PTPN3: variants seen among roughly 807,000 people sequenced by gnomAD.
PTPN3 encodes protein tyrosine phosphatase non-receptor type 3.
Under a neutral mutation model 132.7 loss-of-function variants are expected in PTPN3, and 96 were observed. The ratio of observed to expected loss-of-function variants is 0.72; its 90% CI spans 0.61 to 0.86. The LOEUF is 0.86. Ranked by LOEUF, PTPN3 falls within the 40% of genes least tolerant of loss-of-function variation. PTPN3 has a pLI of 0.00. For missense variants in PTPN3, 1,125 were observed against 1,159.6 expected (o/e 0.97, Z 0.43); for synonymous variants, 398 against 429.0 (o/e 0.93, Z 0.89).
At chr9:109,428,589 G>A (rs749905218) in intron 11 of PTPN3, 32 bp downstream of exon 11, 33 of 1,605,748 alleles carry the variant, frequency 2.1e-5, no homozygotes, top group South Asian at 1.9e-4. Context: ...ACATATGCAC[G>A]AAACAAAGCA....
chr9:109,473,867 G>A (rs1010221680), intron 1 of PTPN3, among the ~76,000 whole-genome samples: 1 of 151,236 alleles, frequency 6.6e-6, no homozygotes, highest in African/African-American at 2.4e-5. Context: ...GACTTACAAC[G>A]CCATCCTCCT....
chr9:109,385,826 G>A (rs1839536402), intron 22 of PTPN3, among the ~76,000 whole-genome samples: 1 of 152,214 alleles, frequency 6.6e-6, no homozygotes, highest in African/African-American at 2.4e-5. Flanking sequence ...AGAATGCTCT[G>A]TCCTCAGAGA....
chr9:109,387,847 T>C (rs575277552), intron 22 of PTPN3, among the ~76,000 whole-genome samples: 2 of 152,296 alleles, frequency 1.3e-5, no homozygotes, highest in South Asian at 2.1e-4. Context: ...ACTTATTCAA[T>C]TGCAATGTTT....
intron 5 of PTPN3, 87 bp downstream of exon 5, chr9:109,454,409 T>C (rs1845451835): frequency 8.9e-7 from 1 of 1,126,158 alleles, no homozygotes; most frequent in Non-Finnish European, 1.3e-6. Flanking sequence ...TGAAGTTATT[T>C]GGCCATAGTA....
chr9:109,518,050 A>T, the PTPN3 span, among the ~76,000 whole-genome samples: 11 of 152,114 alleles, frequency 7.2e-5, no homozygotes, highest in Non-Finnish European at 1.2e-4. Context: ...AGGGGTGGTT[A>T]CGGCTTCCTG....
At chr9:109,448,293 G>A (rs1844995792) in intron 6 of PTPN3, among the ~76,000 whole-genome samples, 1 of 152,158 alleles carries the variant, frequency 6.6e-6, no homozygotes, top group African/African-American at 2.4e-5. Flanking sequence ...ACCTGCTGCA[G>A]TTTCTTCCCT....
At chr9:109,392,839 AC>A (rs1256080191) in intron 19 of PTPN3, 1 of 152,136 alleles carries the variant, frequency 6.6e-6, no homozygotes, top group Non-Finnish European at 1.5e-5. Flanking sequence ...CCTGACCTCA[AC>A]TGATCTGCCC....
At chr9:109,506,156 C>T in the PTPN3 span, among the ~76,000 whole-genome samples, 1 of 152,186 alleles carries the variant, frequency 6.6e-6, no homozygotes, top group Non-Finnish European at 1.5e-5. Context: ...GGACCCTCAG[C>T]TCTCAGGCTC....
Position 109,438,172 on chromosome 9 carries a change from T to TA in PTPN3, c.528dup (p.Ile177TyrfsTer6). On this transcript the variant is annotated frameshift_variant, in exon 8 of 26. Transcript: ENST00000374541. LOFTEE classifies it high-confidence loss of function. ...AAAAAGTCCTCATTTTGATCGGGTA[T>TA]AAAGTGACTATCGGAAAGATAGCCT... 6.2e-7 allele frequency: 1 copy of TA among 1,613,750 alleles called. No individual in the cohort carries two copies. The highest frequency in any genetic ancestry group is 2.2e-5 in the East Asian group (1 of 44,886).
At chr9:109,495,680 C>A (rs1358783126) in intron 1 of PTPN3, among the ~76,000 whole-genome samples, 3 of 152,212 alleles carry the variant, frequency 2.0e-5, no homozygotes, top group African/African-American at 4.8e-5. Context: ...CACCTCGGAA[C>A]CCCAGCTTTT....
intron 6 of PTPN3, among the ~76,000 whole-genome samples, chr9:109,446,287 C>T (rs920633625): frequency 2.6e-5 from 4 of 152,302 alleles, no homozygotes; most frequent in African/African-American, 4.8e-5. Flanking sequence ...TATGGCAGCC[C>T]GTGAAGTACC....
chr9:109,389,773 G>C (rs1373558193), intron 21 of PTPN3, among the ~76,000 whole-genome samples: 2 of 152,146 alleles, frequency 1.3e-5, no homozygotes. Flanking sequence ...ATCTATTTAC[G>C]TTTATTTAAA....
At position 109,448,844 on chromosome 9, in the gene PTPN3, A is replaced by G; in HGVS notation, c.380T>C (p.Phe127Ser). The G allele has an allele frequency of 6.3e-7, 1 of 1,599,836 alleles. No homozygotes were observed. Among genetic ancestry groups the G allele is most frequent in the Non-Finnish European group, 8.5e-7 (1 of 1,176,344 alleles). Residue 127 changes from phenylalanine (F) to serine (S), a missense_variant, in exon 6 of 26, where the codon TTC becomes TCC. Phe to Ser is a radical substitution (Grantham distance 155, BLOSUM62 -2). Coordinates refer to ENST00000374541, the MANE Select transcript of PTPN3 (RefSeq NM_002829.4). Reference protein sequence around the residue: ...LQQEQTRHLYFLQLKMDICEG... With the variant: ...LQQEQTRHLYSLQLKMDICEG... ...GCAAATATCCATCTTCAGTTGTAAG[A>G]AATACAAGTGCCTATGAAACAATTG...
intron 1 of PTPN3, among the ~76,000 whole-genome samples, chr9:109,464,490 C>T (rs995070485): frequency 2.6e-5 from 4 of 152,118 alleles, no homozygotes; most frequent in African/African-American, 7.2e-5. Context: ...AATCTGTACA[C>T]CAAATCTCCA....
intron 13 of PTPN3, among the ~76,000 whole-genome samples, chr9:109,421,951 T>C (rs1197485299): frequency 6.6e-6 from 1 of 152,236 alleles, no homozygotes; most frequent in South Asian, 2.1e-4. Context: ...CCTAGCCTTT[T>C]TGGAGGTATT....
At chr9:109,459,162 C>G (rs572816372) in intron 2 of PTPN3, among the ~76,000 whole-genome samples, 1 of 152,350 alleles carries the variant, frequency 6.6e-6, no homozygotes, top group East Asian at 1.9e-4. Context: ...AATGTAATAA[C>G]AAAAAACACA....
intron 25 of PTPN3, among the ~76,000 whole-genome samples, chr9:109,380,257 C>A (rs1022118773): frequency 4.6e-5 from 7 of 151,172 alleles, no homozygotes; most frequent in Middle Eastern, 6.9e-3. Flanking sequence ...ATCTATCTAT[C>A]TATCTATCTA....
rs1320178791 is a variant in PTPN3 at position 109,406,342 on chromosome 9, T to C, written c.1792+120A>G. 5 of 1,295,894 alleles carry C rather than the reference T, an allele frequency of 3.9e-6. No individual in the cohort carries two copies. In the Admixed American group the frequency reaches 8.8e-5, roughly 23 times the overall value. The allele number at this position is 1,295,894 out of a possible 1,614,324, so 80.3% of individuals were successfully genotyped here. A position where few individuals can be genotyped will look rare whatever the true frequency, so the allele number is the denominator to read the frequency against. On this transcript the variant is annotated intron_variant, in intron 18 of 25. Transcript: ENST00000374541. ...CAAACATTCGGTTATTACCTGAAGA[T>C]TCTTGATTTTCAAATGTTGGCTACA... is the stretch of plus-strand genomic sequence containing the variant.
chr9:109,434,143 G>A lies in PTPN3; in HGVS notation c.676-982C>T, dbSNP rs540313085. 4.0e-4 allele frequency among the ~76,000 whole-genome samples: 61 copies of A among 152,270 alleles called. No homozygotes were observed. The South Asian group carries it at 0.012, about 30-fold the overall frequency. On this transcript the variant is annotated intron_variant, in intron 9 of 25. Transcript: ENST00000374541. ...TCCCAATCAGATACTTGGTTTTTGTGTGTTTGGTTTTTCTCTGAGAGACAG... is the reference window on the plus strand; with the variant it reads ...TCCCAATCAGATACTTGGTTTTTGTATGTTTGGTTTTTCTCTGAGAGACAG...
Sources: allele counts gnomAD v4.1 joint callset (sites outside exome capture counted in the v4.1 genomes callset), GRCh38; gene constraint gnomAD v4.1.1; transcripts MANE v1.5; gene names NCBI Gene and HGNC (gene_info 2026-07-23, HGNC 2026-07-21).